Variants in NFAM1 observed in about 807,000 individuals in gnomAD.
NFAM1 encodes NFAT activation molecule 1.
In NFAM1, 17 loss-of-function variants were observed where a neutral mutation model predicts 29.0. The observed-to-expected ratio is 0.59, with a 90% CI of 0.40 to 0.88. The LOEUF (loss-of-function observed/expected upper bound fraction) is 0.88, where lower values mean the gene tolerates loss of function less well. Among genes scored for constraint, NFAM1 ranks in the 40% least tolerant of loss-of-function variants. The pLI, the probability that NFAM1 is intolerant of heterozygous loss-of-function variation, is 0.00. For synonymous variants in NFAM1, 175 were observed against 147.2 expected (o/e 1.19, Z -1.36); for missense variants, 324 against 344.6 (o/e 0.94, Z 0.47).
intron 1 of NFAM1, among the ~76,000 whole-genome samples, chr22:42,418,001 C>T (rs1345772378): frequency 6.6e-6 from 1 of 152,240 alleles, no homozygotes; most frequent in Non-Finnish European, 1.5e-5. Context: ...GTCTGCCCAC[C>T]CTGCTTTACA....
intron 4 of NFAM1, among the ~76,000 whole-genome samples, chr22:42,394,131 G>A (rs1929440691): frequency 6.6e-6 from 1 of 152,170 alleles, no homozygotes; most frequent in African/African-American, 2.4e-5. Flanking sequence ...CGCCTCCCGG[G>A]TTCAAGCAAT....
chr22:42,419,990 G>GTTTTTTTTTTTTTTTTTTTTTTTTTT lies in NFAM1; in HGVS notation c.122-8280_122-8255dup, dbSNP rs869262500. ...CTTTGAGTCTGTAATCCCACTCTTG[G>GTTTTTTTTTTTTTTTTTTTTTTTTTT]TTTTTTTTTTTTTTTTTTTTTTTTT... On this transcript the variant is annotated intron_variant, in intron 1 of 5. Transcript: ENST00000329021. The surrounding 1 kb of genome is among the most constrained non-coding windows in gnomAD (Gnocchi z 4.5). 6.6e-5 allele frequency among the ~76,000 whole-genome samples: 2 copies of GTTTTTTTTTTTTTTTTTTTTTTTTTT among 30,522 alleles called. 1 individual carries two copies. The highest frequency in any genetic ancestry group is 1.1e-4 in the Non-Finnish European group (2 of 17,916). 20.0% of individuals were successfully genotyped at this position (30,522 alleles called of 152,430 possible).
chr22:42,404,584 T>G (rs1278625912), intron 3 of NFAM1, among the ~76,000 whole-genome samples: 7 of 152,172 alleles, frequency 4.6e-5, no homozygotes, highest in Non-Finnish European at 1.0e-4. Context: ...AGAAAGCTTC[T>G]GCTGTGTGTC....
chr22:42,412,291 C>T (rs1035804012), intron 1 of NFAM1, among the ~76,000 whole-genome samples: 1 of 152,128 alleles, frequency 6.6e-6, no homozygotes, highest in Non-Finnish European at 1.5e-5. Flanking sequence ...TCTGCAGGTG[C>T]AGCCCCTACC....
At chr22:42,437,327 G>A (rs1246693123), upstream of NFAM1, among the ~76,000 whole-genome samples, 2 of 151,958 alleles carry the variant, frequency 1.3e-5, no homozygotes, top group Non-Finnish European at 2.9e-5. Flanking sequence ...TTTTTTAGTA[G>A]AGACGGGGTT....
intron 1 of NFAM1, among the ~76,000 whole-genome samples, chr22:42,430,556 CAAAAA>C (rs10684230): frequency 1.4e-5 from 1 of 73,002 alleles, no homozygotes; most frequent in Non-Finnish European, 2.6e-5. Context: ...GTGAAACTCT[CAAAAA>C]AAAAAAAAAA....
chr22:42,410,783 T>C (rs1315832461), intron 2 of NFAM1, among the ~76,000 whole-genome samples: 3 of 152,012 alleles, frequency 2.0e-5, no homozygotes, highest in African/African-American at 7.2e-5. Context: ...ACATACCTAG[T>C]TCTGCAGAAG....
At chr22:42,429,171 ACACT>A (rs2146559612) in intron 1 of NFAM1, among the ~76,000 whole-genome samples, 1 of 152,324 alleles carries the variant, frequency 6.6e-6, no homozygotes, top group South Asian at 2.1e-4. Context: ...CAGGTGGCTG[ACACT>A]CACTGAGGAC....
intron 1 of NFAM1, among the ~76,000 whole-genome samples, chr22:42,417,768 G>A (rs575198172): frequency 1.3e-5 from 2 of 152,146 alleles, no homozygotes; most frequent in African/African-American, 2.4e-5. Context: ...AGGGAGAGGG[G>A]AGAGGGCACC....
At chr22:42,420,397 G>A (rs1469899771) in intron 1 of NFAM1, among the ~76,000 whole-genome samples, 3 of 151,970 alleles carry the variant, frequency 2.0e-5, no homozygotes, top group African/African-American at 7.3e-5. Context: ...ACCTGAGCCT[G>A]GGAGTTCGAA....
upstream of NFAM1, among the ~76,000 whole-genome samples, chr22:42,435,344 CTTTCT>C (rs1292058013): frequency 4.6e-4 from 60 of 129,304 alleles, no homozygotes; most frequent in African/African-American, 6.8e-4. Flanking sequence ...TTTTTCTTTT[CTTTCT>C]TTTTTTTTTT....
chr22:42,418,854 GC>G (rs1930344051), intron 1 of NFAM1, among the ~76,000 whole-genome samples: 1 of 152,172 alleles, frequency 6.6e-6, no homozygotes, highest in Admixed American at 6.5e-5. Context: ...CCGGGCGCTG[GC>G]CTGGCCTGGC....
intron 1 of NFAM1, among the ~76,000 whole-genome samples, chr22:42,429,337 C>A (rs758901371): frequency 7.2e-5 from 11 of 152,142 alleles, no homozygotes; most frequent in Admixed American, 7.2e-4. Flanking sequence ...CAAACTGGGC[C>A]GGGTGCGGTG....
At chr22:42,420,016 T>TGAGGCAGAA (rs1930390756) in intron 1 of NFAM1, among the ~76,000 whole-genome samples, 1 of 137,448 alleles carries the variant, frequency 7.3e-6, no homozygotes, top group African/African-American at 2.7e-5. Context: ...TTTTTTTTTT[T>TGAGGCAGAA]TTTTTTTTTT....
chr22:42,390,816 CA>C (rs11343542), intron 4 of NFAM1, among the ~76,000 whole-genome samples: 72,678 of 107,024 alleles, frequency 0.68, 23,205 homozygotes, highest in East Asian at 0.97. Context: ...GACTCCGTCT[CA>C]AAAAAAAAAA....
intron 1 of NFAM1, among the ~76,000 whole-genome samples, chr22:42,424,378 G>A (rs1275247036): frequency 6.6e-6 from 1 of 151,900 alleles, no homozygotes; most frequent in East Asian, 1.9e-4. Context: ...TTGTGCCACT[G>A]CACTCCAGCC....
chr22:42,431,851 G>A (rs1185010502), intron 1 of NFAM1, among the ~76,000 whole-genome samples: 2 of 144,304 alleles, frequency 1.4e-5, no homozygotes, highest in African/African-American at 2.6e-5. Flanking sequence ...CCACTTGCCA[G>A]GTTCAACGCA....
chr22:42,437,738 G>A, the NFAM1 span, among the ~76,000 whole-genome samples: 2 of 152,190 alleles, frequency 1.3e-5, no homozygotes, highest in Admixed American at 6.5e-5. Flanking sequence ...GTCCTGGGCT[G>A]CCCTGAGGCC....
At chr22:42,425,959 G>A (rs1011486810) in intron 1 of NFAM1, among the ~76,000 whole-genome samples, 7 of 152,170 alleles carry the variant, frequency 4.6e-5, no homozygotes, top group Non-Finnish European at 8.8e-5. Flanking sequence ...GGGGCCAGAG[G>A]GGGTACTACA....
Sources: gnomAD v4.1 joint callset for allele counts (sites outside exome capture counted in the v4.1 genomes callset) on GRCh38, gnomAD v4.1.1 for gene constraint, Gnocchi (gnomAD v3.1) non-coding constraint, MANE v1.5 for transcripts, NCBI Gene and HGNC (gene_info 2026-07-23, HGNC 2026-07-21) for gene names.